Variants in PHIP observed in about 807,000 individuals in gnomAD.
PHIP encodes the protein PH-interacting protein.
Under a neutral mutation model 236.8 loss-of-function variants are expected in PHIP, and 54 were observed. That is an observed-to-expected ratio of 0.23 (90% confidence interval 0.18 to 0.29). The LOEUF is 0.29. PHIP is among the 10% of genes least tolerant of loss of function. The pLI is 1.00. For synonymous variants in PHIP, 756 were observed against 718.9 expected, an observed-to-expected ratio of 1.05 and a Z score of -0.83; for missense variants, 1,370 against 2,190.8, an observed-to-expected ratio of 0.63 and a Z score of 7.48.
At chr6:79,045,075 T>C (rs934487435) in intron 6 of PHIP, among the ~76,000 whole-genome samples, 2 of 152,202 alleles carry the variant, frequency 1.3e-5, no homozygotes, top group Middle Eastern at 3.2e-3. Flanking sequence ...CACTACCCTT[T>C]GTAATGCTTA....
At chr6:79,028,302 A>T (rs1244892253) in intron 7 of PHIP, among the ~76,000 whole-genome samples, 3 of 152,166 alleles carry the variant, frequency 2.0e-5, no homozygotes. Flanking sequence ...TTTTCTAAAG[A>T]TCATCCTGGC....
intron 15 of PHIP, among the ~76,000 whole-genome samples, chr6:79,006,892 C>T (rs1300993584): frequency 5.3e-5 from 8 of 151,768 alleles, no homozygotes; most frequent in Admixed American, 3.3e-4. Flanking sequence ...ATCTATGAGA[C>T]AGTATTTACC....
intron 36 of PHIP, 53 bp downstream of exon 36, chr6:78,947,570 A>G: frequency 1.2e-6 from 1 of 858,262 alleles, no homozygotes; most frequent in Non-Finnish European, 1.8e-6. Flanking sequence ...TAGTCATTTA[A>G]CACACTCCTC....
At chr6:79,031,474 C>T (rs988920518) in intron 7 of PHIP, among the ~76,000 whole-genome samples, 4 of 152,118 alleles carry the variant, frequency 2.6e-5, no homozygotes, top group Non-Finnish European at 5.9e-5. Context: ...TAAAAGAGTA[C>T]ATCTCTATAC....
intron 21 of PHIP, among the ~76,000 whole-genome samples, chr6:78,987,825 T>C (rs1010333087): frequency 1.3e-5 from 2 of 152,294 alleles, no homozygotes; most frequent in South Asian, 2.1e-4. Context: ...CAAATACTTA[T>C]TGATTTGTTG....
At position 79,026,915 on chromosome 6, in the gene PHIP, C is replaced by G. The variant is rs192606339; in HGVS notation, c.601-751G>C. Among the ~76,000 whole-genome samples the G allele has an allele frequency of 4.9e-3, 744 of 151,670 alleles. 8 individuals are homozygous for G. The highest frequency in any genetic ancestry group is 6.9e-3 in the Non-Finnish European group (466 of 67,814). On this transcript the variant is annotated intron_variant, in intron 7 of 39. Transcript: ENST00000275034. The stretch of plus-strand genomic sequence containing the variant: ...TCGTTAATCCCCATATATCTACTTC[C>G]CAGATTCAAAACTTAATATTTTTGC...
chr6:79,021,492 T>C (rs1771114807), intron 9 of PHIP, among the ~76,000 whole-genome samples: 1 of 152,118 alleles, frequency 6.6e-6, no homozygotes, highest in Admixed American at 6.5e-5. Context: ...CAACAACAGA[T>C]GAACGGATAA....
chr6:78,992,137 T>C (rs1769299715), intron 19 of PHIP, among the ~76,000 whole-genome samples: 1 of 151,898 alleles, frequency 6.6e-6, no homozygotes, highest in South Asian at 2.1e-4. Flanking sequence ...TAATTTTTTG[T>C]ATTTTTAGTA....
intron 7 of PHIP, among the ~76,000 whole-genome samples, chr6:79,036,792 GTGCCTGTAA>G (rs1464687639): frequency 6.6e-6 from 1 of 151,532 alleles, no homozygotes; most frequent in East Asian, 1.9e-4. Flanking sequence ...GTGGTGGTGG[GTGCCTGTAA>G]TGCCAGCTAC....
At position 79,077,520 on chromosome 6, in the gene PHIP, G is replaced by A. The variant is rs778092705; in HGVS notation, c.130-13C>T. ...GCCGGGGCAGCAGCTGCGGGGAGAGGACACCCCGTGAGCCCGGCCCCCGGC... is the reference window on the plus strand; with the variant it reads ...GCCGGGGCAGCAGCTGCGGGGAGAGAACACCCCGTGAGCCCGGCCCCCGGC... On this transcript the variant is annotated splice_polypyrimidine_tract_variant and intron_variant, in intron 3 of 39. Transcript: ENST00000275034. 3.0e-5 allele frequency: 45 copies of A among 1,524,422 alleles called. No homozygotes were observed. The highest frequency in any genetic ancestry group is 2.2e-4 in the African/African-American group (15 of 69,430). 94.4% of individuals were successfully genotyped at this position (1,524,422 alleles called of 1,614,324 possible).
At chr6:79,004,572 T>G (rs1187736401) in intron 15 of PHIP, among the ~76,000 whole-genome samples, 2 of 151,998 alleles carry the variant, frequency 1.3e-5, no homozygotes, top group Non-Finnish European at 2.9e-5. Flanking sequence ...CTAAAGCACA[T>G]CTAGGGACTG....
chr6:78,951,838 A>G (rs985785677), intron 35 of PHIP, among the ~76,000 whole-genome samples: 36 of 152,252 alleles, frequency 2.4e-4, no homozygotes, highest in Non-Finnish European at 1.8e-4. Flanking sequence ...TGCACTGGAC[A>G]TAAGGGATAC....
At chr6:78,944,362 A>G (rs1345307920) in intron 39 of PHIP, among the ~76,000 whole-genome samples, 3 of 152,234 alleles carry the variant, frequency 2.0e-5, no homozygotes, top group African/African-American at 4.8e-5. Context: ...AGAGAAATAA[A>G]AAGATCGCTT....
At chr6:79,075,303 C>T (rs1255945212) in intron 4 of PHIP, among the ~76,000 whole-genome samples, 2 of 152,094 alleles carry the variant, frequency 1.3e-5, no homozygotes, top group Admixed American at 6.5e-5. Context: ...TGGTACCTTG[C>T]ATCCAGTAGA....
In PHIP at chr6:79,077,511, C is replaced by T; in HGVS notation, c.130-4G>A. On this transcript the variant is annotated splice_polypyrimidine_tract_variant and splice_region_variant and intron_variant, in intron 3 of 39. Coordinates refer to ENST00000275034, the MANE Select transcript of PHIP (RefSeq NM_017934.7). ...AGTCGGTGCGCCGGGGCAGCAGCTG[C>T]GGGGAGAGGACACCCCGTGAGCCCG... The T allele has an allele frequency of 6.5e-7, 1 of 1,539,824 alleles. No individual in the cohort carries two copies. The highest frequency in any genetic ancestry group is 8.8e-7 in the Non-Finnish European group (1 of 1,140,696).
intron 4 of PHIP, among the ~76,000 whole-genome samples, chr6:79,068,993 T>A (rs920471399): frequency 6.6e-6 from 1 of 151,954 alleles, no homozygotes; most frequent in African/African-American, 2.4e-5. Context: ...GTTTTTCAGA[T>A]CTTCTCAAAT....
intron 6 of PHIP, among the ~76,000 whole-genome samples, chr6:79,045,237 A>G (rs1235424789): frequency 6.6e-6 from 1 of 152,172 alleles, no homozygotes; most frequent in African/African-American, 2.4e-5. Flanking sequence ...TTCCCAGGTA[A>G]TAAGGTGGTG....
At chr6:79,037,046 G>C (rs1771975223) in intron 7 of PHIP, among the ~76,000 whole-genome samples, 1 of 150,754 alleles carries the variant, frequency 6.6e-6, no homozygotes, top group South Asian at 2.1e-4. Flanking sequence ...AATCAATACT[G>C]ATAACACTAC....
intron 6 of PHIP, among the ~76,000 whole-genome samples, chr6:79,049,246 G>C (rs796714476): frequency 6.6e-5 from 10 of 152,014 alleles, no homozygotes; most frequent in African/African-American, 2.4e-4. Context: ...ATTTTTAGTA[G>C]AGACGGGGTT....
Sources: gnomAD v4.1 joint callset for allele counts (sites outside exome capture counted in the v4.1 genomes callset) on GRCh38, gnomAD v4.1.1 for gene constraint, MANE v1.5 for transcripts, NCBI Gene and HGNC (gene_info 2026-07-23, HGNC 2026-07-21) for gene names.